REDIC1: variants seen among roughly 807,000 people sequenced by gnomAD.
REDIC1 encodes the protein regulator of DNA class I crossover intermediates 1, also known as HEI10 Interacting Protein 1.
At chr12:39,669,815 T>A in the REDIC1 span, among the ~76,000 whole-genome samples, 1 of 152,156 alleles carries the variant, frequency 6.6e-6, no homozygotes, top group Non-Finnish European at 1.5e-5. Flanking sequence ...GTGCTAGCTA[T>A]GAGTGAGGCT....
the REDIC1 span, among the ~76,000 whole-genome samples, chr12:39,691,020 TGATAA>T: frequency 6.6e-6 from 1 of 152,040 alleles, no homozygotes; most frequent in Admixed American, 6.6e-5. Context: ...GATTTTTAAA[TGATAA>T]GATAGAGGGG....
chr12:39,669,018 G>A, the REDIC1 span, among the ~76,000 whole-genome samples: 2 of 152,064 alleles, frequency 1.3e-5, no homozygotes, highest in African/African-American at 2.4e-5. Context: ...TTAGCTTGGA[G>A]TAGTTTGATC....
the REDIC1 span, among the ~76,000 whole-genome samples, chr12:39,748,189 C>G: frequency 6.6e-6 from 1 of 152,104 alleles, no homozygotes; most frequent in Non-Finnish European, 1.5e-5. Flanking sequence ...ATCTCACATT[C>G]AGAGACACAC....
chr12:39,766,715 T>C, the REDIC1 span, among the ~76,000 whole-genome samples: 1 of 152,142 alleles, frequency 6.6e-6, no homozygotes, highest in East Asian at 1.9e-4. Flanking sequence ...AATCCTTTGA[T>C]ATCATTTCAA....
chr12:39,712,440 ATATG>A, the REDIC1 span, among the ~76,000 whole-genome samples: 7 of 66,402 alleles, frequency 1.1e-4, no homozygotes, highest in South Asian at 8.6e-4. Context: ...ATACATACGT[ATATG>A]TATACATACG....
At chr12:39,783,302 G>C in the REDIC1 span, among the ~76,000 whole-genome samples, 1 of 152,296 alleles carries the variant, frequency 6.6e-6, no homozygotes, top group East Asian at 1.9e-4. Flanking sequence ...CCAAGTCTTT[G>C]CTATTGTGAA....
the REDIC1 span, among the ~76,000 whole-genome samples, chr12:39,843,026 G>A: frequency 1.3e-5 from 2 of 151,762 alleles, no homozygotes; most frequent in African/African-American, 2.4e-5. Context: ...TGGGGTATTT[G>A]GGTTATTTCT....
At chr12:39,665,036 G>C in the REDIC1 span, among the ~76,000 whole-genome samples, 1 of 152,132 alleles carries the variant, frequency 6.6e-6, no homozygotes, top group Non-Finnish European at 1.5e-5. Flanking sequence ...TGTTCATTCT[G>C]ATCATAGTTT....
chr12:39,889,724 G>T, the REDIC1 span, among the ~76,000 whole-genome samples: 2 of 151,794 alleles, frequency 1.3e-5, no homozygotes, highest in Non-Finnish European at 2.9e-5. Context: ...GAGAGACGGG[G>T]TTTCACCATG....
the REDIC1 span, among the ~76,000 whole-genome samples, chr12:39,716,393 G>A: frequency 6.6e-6 from 1 of 151,890 alleles, no homozygotes; most frequent in Non-Finnish European, 1.5e-5. Context: ...TGATGCCTTA[G>A]GACTTAATAA....
chr12:39,802,407 A>G, the REDIC1 span: 1 of 152,194 alleles, frequency 6.6e-6, no homozygotes, highest in Non-Finnish European at 1.5e-5. Flanking sequence ...CAGAAAAAAG[A>G]CTAAGATGGT....
chr12:39,701,953 A>T, the REDIC1 span, among the ~76,000 whole-genome samples: 3 of 152,174 alleles, frequency 2.0e-5, no homozygotes, highest in Admixed American at 2.0e-4. Flanking sequence ...TGTAGGGGGA[A>T]ATTTCTAGCA....
At chr12:39,714,248 T>TAC in the REDIC1 span, among the ~76,000 whole-genome samples, 17 of 148,080 alleles carry the variant, frequency 1.1e-4, 3 homozygotes, top group Admixed American at 9.5e-4. Context: ...TATATGTATA[T>TAC]ACGTATATGC....
chr12:39,656,473 T>G, the REDIC1 span, among the ~76,000 whole-genome samples: 3 of 152,236 alleles, frequency 2.0e-5, no homozygotes, highest in African/African-American at 7.2e-5. Context: ...TATACAATTA[T>G]GTATAATACA....
At chr12:39,719,808 G>A in the REDIC1 span, among the ~76,000 whole-genome samples, 1 of 151,858 alleles carries the variant, frequency 6.6e-6, no homozygotes, top group Admixed American at 6.6e-5. Context: ...ATGATGTTTT[G>A]TTACATGACT....
chr12:39,830,248 ACC>A, the REDIC1 span: 1 of 1,608,702 alleles, frequency 6.2e-7, no homozygotes, highest in African/African-American at 1.3e-5. Context: ...GAAAAGAGTT[ACC>A]GTCATGTTGG....
At chr12:39,724,105 G>T in the REDIC1 span, among the ~76,000 whole-genome samples, 10 of 152,086 alleles carry the variant, frequency 6.6e-5, no homozygotes, top group African/African-American at 1.9e-4. Context: ...GGCAGAGGAA[G>T]TACCAGAGTG....
At chr12:39,866,568 C>T in the REDIC1 span, among the ~76,000 whole-genome samples, 1 of 152,074 alleles carries the variant, frequency 6.6e-6, no homozygotes, top group Non-Finnish European at 1.5e-5. Context: ...AGGCTCCGCC[C>T]CCCGGGGTTC....
the REDIC1 span, among the ~76,000 whole-genome samples, chr12:39,896,476 A>ATG: frequency 1.4e-5 from 2 of 143,602 alleles, no homozygotes; most frequent in African/African-American, 2.5e-5. Context: ...ACATATATGT[A>ATG]TATGTGTATA....
Sources: allele counts gnomAD v4.1 joint callset (sites outside exome capture counted in the v4.1 genomes callset), GRCh38; gene constraint gnomAD v4.1.1; transcripts MANE v1.5; gene names NCBI Gene and HGNC (gene_info 2026-07-23, HGNC 2026-07-21).